MUC20: variants seen among roughly 807,000 people sequenced by gnomAD.
MUC20 encodes the protein mucin-20.
Under a neutral mutation model 23.8 loss-of-function variants are expected in MUC20, and 14 were observed. The ratio of observed to expected loss-of-function variants is 0.59; its 90% confidence interval spans 0.39 to 0.92. The LOEUF is 0.92. MUC20 is among the 40% of genes least tolerant of loss of function. MUC20 has a pLI of 0.00. For missense variants in MUC20, 375 were observed against 668.8 expected (o/e 0.56, Z 4.85); for synonymous variants, 166 against 279.3 (o/e 0.59, Z 4.04).
At position 195,726,326 on chromosome 3, in the gene MUC20, A is replaced by C; in HGVS notation, c.1723A>C (p.Ser575Arg). The change falls in exon 2 of 4, where the codon AGC becomes CGC. Residue 575 changes from serine to arginine, a missense_variant. Physicochemically the swap from Ser to Arg is moderately radical, Grantham distance 110 (BLOSUM62 -1). Around this residue, in one of 4 missense-constraint regions of MUC20, gnomAD observed 343 missense variants for 340.2 expected, o/e 1.01. Coordinates refer to ENST00000447234, the MANE Select transcript of MUC20 (RefSeq NM_001282506.2). ...TGCTGGGAGCTCTGCTTCCTCCTAC[A>C]GCCCCTCGGAAGCCGCCCTCAAGAA... ...SFAGSSASSY[S>R]PSEAALKNFT... 2.5e-6 allele frequency: 4 copies of C among 1,614,040 alleles called. No individual in the cohort carries two copies. The South Asian group carries it at 3.3e-5, about 13-fold the overall frequency.
intron 2 of MUC20, chr3:195,729,369 T>C (rs1373856228): frequency 2.8e-6 from 1 of 356,268 alleles, no homozygotes; most frequent in Admixed American, 4.6e-5. Flanking sequence ...CAGGTTGGAG[T>C]GTAGTGCTGC....
At chr3:195,727,027 C>T (rs112611567) in intron 2 of MUC20, among the ~76,000 whole-genome samples, 5,945 of 151,240 alleles carry the variant, frequency 0.039, 64 homozygotes, top group African/African-American at 0.14. Flanking sequence ...CTGCTGCTCT[C>T]TGACAGGCTG....
chr3:195,730,099 C>CAAAAAAAAAAAAAAAAAAAA (rs4036961), intron 3 of MUC20: 1 of 92,994 alleles, frequency 1.1e-5, no homozygotes. Context: ...GCAGTTTATG[C>CAAAAAAAAAAAAAAAAAAAA]AAAAAAAAAA....
At chr3:195,728,127 G>A (rs1261119329) in intron 2 of MUC20, among the ~76,000 whole-genome samples, 5 of 151,802 alleles carry the variant, frequency 3.3e-5, no homozygotes, top group Non-Finnish European at 7.3e-5. Flanking sequence ...CTCCACACCT[G>A]TGGGTATTTC....
chr3:195,722,751 A>T (rs1326507677), intron 1 of MUC20: 1 of 978,288 alleles, frequency 1.0e-6, no homozygotes, highest in Non-Finnish European at 1.2e-6. Flanking sequence ...GGCTCAAAGA[A>T]ATGATCTCAG....
chr3:195,721,263 G>A (rs1370161834), intron 1 of MUC20, among the ~76,000 whole-genome samples, 180 bp downstream of exon 1: 1 of 151,868 alleles, frequency 6.6e-6, no homozygotes, highest in South Asian at 2.1e-4. Context: ...GACAGTGTGA[G>A]TGTAAGCGTG....
chr3:195,722,098 G>A (rs1219320240), intron 1 of MUC20: 1 of 300,874 alleles, frequency 3.3e-6, no homozygotes, highest in Non-Finnish European at 4.9e-6. Context: ...CCCATCATCA[G>A]CGTCCCCCAC....
intron 2 of MUC20, 124 bp from the exon 3 acceptor site, chr3:195,729,524 C>G (rs1295858274): frequency 2.3e-6 from 2 of 883,670 alleles, no homozygotes; most frequent in African/African-American, 3.3e-5. Flanking sequence ...CCATGTTGGT[C>G]AGGCTGGTCT....
intron 3 of MUC20, among the ~76,000 whole-genome samples, chr3:195,732,422 C>T (rs371289698): frequency 9.9e-5 from 15 of 152,020 alleles, no homozygotes; most frequent in African/African-American, 2.4e-4. Context: ...TGCAATGGCA[C>T]GATCTCGGCT....
chr3:195,728,316 T>C (rs180978518), intron 2 of MUC20, among the ~76,000 whole-genome samples: 149 of 152,378 alleles, frequency 9.8e-4, no homozygotes, highest in Middle Eastern at 6.8e-3. Flanking sequence ...AAAAGGAATG[T>C]AGTAGGAGAG....
Position 195,726,117 on chromosome 3 carries a change from C to G in MUC20, c.1514C>G (p.Ala505Gly), listed in dbSNP as rs762600322. 1.2e-6 allele frequency: 2 copies of G among 1,609,218 alleles called. No individual in the cohort carries two copies. The highest frequency in any genetic ancestry group is 1.7e-6 in the Non-Finnish European group (2 of 1,176,262). The change falls in exon 2 of 4, where the codon GCC (alanine) becomes GGC (glycine). Residue 505 changes from alanine to glycine, a missense_variant. Coordinates refer to ENST00000447234, the MANE Select transcript of MUC20 (RefSeq NM_001282506.2). ...TVGTPLPTNSATEREVTAPGA... is the reference protein window; with the variant it reads ...TVGTPLPTNSGTEREVTAPGA... ...GGGACCCCACTCCCCACTAACAGCG[C>G]CACAGAAAGAGAAGTGACAGCACCC...
In MUC20 at chr3:195,730,613, G is replaced by A. The variant is rs553909060; in HGVS notation, c.2061+874G>A. Among the ~76,000 whole-genome samples, 20 of 152,226 alleles carry A rather than the reference G, an allele frequency of 1.3e-4. No individual in the cohort carries two copies. In the East Asian group the frequency reaches 3.1e-3, roughly 24 times the overall value. Reference sequence around the variant, plus strand: ...GATCCACCCGTCTTGGCCTCCCAAAGTGCTGGGATTACAGACATGAGCCAC... The same window carrying A: ...GATCCACCCGTCTTGGCCTCCCAAAATGCTGGGATTACAGACATGAGCCAC... On this transcript the variant is annotated intron_variant, in intron 3 of 3. Transcript: ENST00000447234.
chr3:195,728,777 A>C (rs1479130813), intron 2 of MUC20, among the ~76,000 whole-genome samples: 1 of 152,166 alleles, frequency 6.6e-6, no homozygotes, highest in Non-Finnish European at 1.5e-5. Context: ...ACCTGCTTTC[A>C]AGGGCAGAGG....
chr3:195,730,043 G>A (rs933827008), intron 3 of MUC20: 1 of 345,534 alleles, frequency 2.9e-6, no homozygotes, highest in Admixed American at 4.6e-5. Flanking sequence ...ACTGATGGGA[G>A]GGTAGGTCGG....
intron 2 of MUC20, among the ~76,000 whole-genome samples, chr3:195,728,750 A>T (rs1173548349): frequency 2.0e-5 from 3 of 152,032 alleles, no homozygotes; most frequent in Non-Finnish European, 2.9e-5. Flanking sequence ...ATACATGGGG[A>T]GAAAGCTTGG....
chr3:195,726,491 A>G lies in MUC20; in HGVS notation c.1888A>G (p.Thr630Ala). 6.2e-7 allele frequency: 1 copy of G among 1,614,026 alleles called. No homozygotes were observed. Among genetic ancestry groups the G allele is most frequent in the Non-Finnish European group, 8.5e-7 (1 of 1,179,888 alleles). ...GTNSTLAKIT[T>A]SAKTTMKPPT... ...GAACAGCACCTTAGCCAAGATCACA[A>G]CCTCAGCGAAGACCACGATGAAGCC... Residue 630 changes from threonine (T) to alanine (A), a missense_variant, in exon 2 of 4, where the codon ACC (threonine) becomes GCC (alanine). Transcript: ENST00000447234.
intron 3 of MUC20, among the ~76,000 whole-genome samples, chr3:195,732,494 G>T (rs1448325207): frequency 6.6e-6 from 1 of 152,148 alleles, no homozygotes; most frequent in Non-Finnish European, 1.5e-5. Flanking sequence ...CTAGTAGCTG[G>T]GATTACAGGT....
At chr3:195,729,464 G>A (rs149934435) in intron 2 of MUC20, 184 bp from the exon 3 acceptor site, 1,406 of 609,460 alleles carry the variant, frequency 2.3e-3, no homozygotes, top group Non-Finnish European at 3.0e-3. Context: ...TTACAGGCAC[G>A]CACCACCATG....
At chr3:195,727,744 T>C (rs558446525) in intron 2 of MUC20, among the ~76,000 whole-genome samples, 1 of 152,420 alleles carries the variant, frequency 6.6e-6, no homozygotes, top group African/African-American at 2.4e-5. Context: ...CCAGGCAGTG[T>C]GCCACCAGCT....
Sources: gnomAD v4.1 joint callset for allele counts (sites outside exome capture counted in the v4.1 genomes callset) on GRCh38, gnomAD v4.1.1 for gene constraint, gnomAD v4.1.1 regional missense constraint, MANE v1.5 for transcripts, NCBI Gene and HGNC (gene_info 2026-07-23, HGNC 2026-07-21) for gene names.